The following WNT4 variants were observed in gnomAD, a reference collection of about 807,000 sequenced individuals.
WNT4 encodes the protein Wnt family member 4.
WNT4 carries 16 observed loss-of-function variants against 34.5 expected under a neutral mutation model. That is an observed-to-expected ratio of 0.46 (90% CI 0.31 to 0.70). The LOEUF (loss-of-function observed/expected upper bound fraction) is 0.70, where lower values mean the gene tolerates loss of function less well. Ranked by LOEUF, WNT4 falls within the 30% of genes least tolerant of loss-of-function variation. WNT4 has a pLI of 0.04. For synonymous variants in WNT4, 200 were observed against 211.9 expected, an observed-to-expected ratio of 0.94 and a Z score of 0.49; for missense variants, 379 against 495.9, an observed-to-expected ratio of 0.76 and a Z score of 2.24.
chr1:22,119,630 T>G lies in WNT4; in HGVS notation c.*420A>C. 1 of 287,390 alleles carries G rather than the reference T, an allele frequency of 3.5e-6. No homozygotes were observed. The highest frequency in any genetic ancestry group is 6.7e-6 in the Non-Finnish European group (1 of 148,630). The allele number at this position is 287,390 out of a possible 1,614,324, so 17.8% of individuals were successfully genotyped here. On this transcript the variant is annotated 3_prime_UTR_variant, in exon 5 of 5. Coordinates refer to ENST00000290167, the MANE Select transcript of WNT4 (RefSeq NM_030761.5). ...GTTAAGAGTTCTTTTTTCCAGAGGG[T>G]GTGACTTCCATCAAGTCGGTACCTA...
chr1:22,130,341 A>G (rs959559555), intron 1 of WNT4, among the ~76,000 whole-genome samples: 2 of 152,222 alleles, frequency 1.3e-5, no homozygotes, highest in African/African-American at 2.4e-5. Context: ...ACTGCCAGCC[A>G]CATCCTAGGA....
Position 22,140,527 on chromosome 1 carries a change from C to T in WNT4, c.77+2319G>A, listed in dbSNP as rs113522011. 2.6e-5 allele frequency among the ~76,000 whole-genome samples: 4 copies of T among 152,314 alleles called. No homozygotes were observed. The highest frequency in any genetic ancestry group is 4.8e-5 in the African/African-American group (2 of 41,570). On this transcript the variant is annotated intron_variant, in intron 1 of 4. Coordinates refer to ENST00000290167, the MANE Select transcript of WNT4 (RefSeq NM_030761.5). This position sits in a 1 kb window ranked among gnomAD's most constrained non-coding sequence, Gnocchi z 5.9. ...GAGCATGTGCCCTGTTCCACCCAGT[C>T]GTGGTTTTATCATGTCTTTCTACCT...
chr1:22,121,665 C>G, intron 2 of WNT4, 89 bp from the exon 3 acceptor site: 1 of 1,557,064 alleles, frequency 6.4e-7, no homozygotes, highest in Middle Eastern at 2.0e-4. Context: ...ATGGAGCCTC[C>G]TGCTTGCTGG....
chr1:22,120,040 A>G lies in WNT4; in HGVS notation c.*10T>C, dbSNP rs921122200. ...ACTAGGTGGTTGCCGGCGCAGGGCT[A>G]GGCAGGCGGTCATCGGCACGTGTGC... On this transcript the variant is annotated 3_prime_UTR_variant, in exon 5 of 5. Coordinates refer to ENST00000290167, the MANE Select transcript of WNT4 (RefSeq NM_030761.5). 1 of 1,605,314 alleles carries G rather than the reference A, an allele frequency of 6.2e-7. No individual in the cohort carries two copies. Among genetic ancestry groups the G allele is most frequent in the Admixed American group, 1.7e-5 (1 of 59,982 alleles).
At chr1:22,131,608 T>C (rs1324161901) in intron 1 of WNT4, among the ~76,000 whole-genome samples, 2 of 152,110 alleles carry the variant, frequency 1.3e-5, no homozygotes, top group Non-Finnish European at 2.9e-5. Flanking sequence ...TATCTGTAAA[T>C]GGAGATAACG....
intron 1 of WNT4, among the ~76,000 whole-genome samples, chr1:22,141,147 G>T (rs1557933674): frequency 6.6e-6 from 1 of 152,210 alleles, no homozygotes; most frequent in Non-Finnish European, 1.5e-5. Context: ...CCACTCCCTA[G>T]GCCTCAGTTT....
intron 1 of WNT4, among the ~76,000 whole-genome samples, chr1:22,138,463 A>T (rs576063118): frequency 5.3e-5 from 8 of 151,472 alleles, no homozygotes; most frequent in Admixed American, 2.0e-4. Context: ...GCTTGGGGGG[A>T]TGTTACTGGC....
intron 1 of WNT4, among the ~76,000 whole-genome samples, chr1:22,133,608 C>G (rs1358839548): frequency 1.3e-5 from 2 of 152,252 alleles, no homozygotes; most frequent in Non-Finnish European, 2.9e-5. Context: ...GGCTGCATTG[C>G]CCCAATTTAG....
Position 22,139,006 on chromosome 1 carries a change from C to T in WNT4, c.77+3840G>A, listed in dbSNP as rs889254405. 5.1e-4 allele frequency among the ~76,000 whole-genome samples: 78 copies of T among 152,220 alleles called. 1 individual carries two copies. Among genetic ancestry groups the T allele is most frequent in the Admixed American group, 2.4e-3 (36 of 15,288 alleles). Reference sequence around the variant, plus strand: ...CGGAAAGGTGCTCCCAGCAGCAACTCCTCTGCCTGGCAAGATTGGCTTGTG... The same window carrying T: ...CGGAAAGGTGCTCCCAGCAGCAACTTCTCTGCCTGGCAAGATTGGCTTGTG... On this transcript the variant is annotated intron_variant, in intron 1 of 4. Coordinates refer to ENST00000290167, the MANE Select transcript of WNT4 (RefSeq NM_030761.5). This position sits in a 1 kb window ranked among gnomAD's most constrained non-coding sequence, Gnocchi z 4.6.
At chr1:22,127,276 C>G in intron 2 of WNT4, 1 of 521,556 alleles carries the variant, frequency 1.9e-6, no homozygotes, top group Middle Eastern at 3.3e-4. Flanking sequence ...CTCAGTGTCC[C>G]TCAGATGCTG....
At chr1:22,141,942 C>T (rs1219485055) in intron 1 of WNT4, among the ~76,000 whole-genome samples, 1 of 152,220 alleles carries the variant, frequency 6.6e-6, no homozygotes, top group Non-Finnish European at 1.5e-5. Flanking sequence ...TGGCAGAGCT[C>T]TGGGCAGGAG....
intron 1 of WNT4, among the ~76,000 whole-genome samples, chr1:22,136,735 G>A (rs1646025377): frequency 6.6e-6 from 1 of 152,192 alleles, no homozygotes. Context: ...GCCCAGCACA[G>A]GGCCTGATGT....
intron 4 of WNT4, 25 bp from the exon 5 acceptor site, chr1:22,120,542 G>T: frequency 6.3e-7 from 1 of 1,590,714 alleles, no homozygotes; most frequent in East Asian, 2.3e-5. Context: ...GGGGGAGAGG[G>T]GCCATCAGGA....
chr1:22,137,070 C>T lies in WNT4; in HGVS notation c.77+5776G>A, dbSNP rs540993088. Among the ~76,000 whole-genome samples, 65 of 152,238 alleles carry T rather than the reference C, an allele frequency of 4.3e-4. No individual in the cohort carries two copies. The highest frequency in any genetic ancestry group is 1.5e-3 in the African/African-American group (64 of 41,546). ...ATTCCTGCTGTTCTAATGGGCCTCT[C>T]CAAAGATACATGTGAGCTGTCCGAG... On this transcript the variant is annotated intron_variant, in intron 1 of 4. Transcript: ENST00000290167. The surrounding 1 kb of genome is among the most constrained non-coding windows in gnomAD (Gnocchi z 5.3).
At position 22,117,608 on chromosome 1, in the gene WNT4, A is replaced by G. The variant is rs1645859857; in HGVS notation, c.*2442T>C. 6.6e-6 allele frequency: 1 copy of G among 152,352 alleles called. No individual in the cohort carries two copies. The highest frequency in any genetic ancestry group is 2.1e-4 in the South Asian group (1 of 4,834). 9.4% of individuals were successfully genotyped at this position (152,352 alleles called of 1,614,324 possible). ...CCCCTGGGACAGTTTGGAGCTGGGC[A>G]TGTCCAAAGAAGCTCCTTTTCCTGT... On this transcript the variant is annotated 3_prime_UTR_variant, in exon 5 of 5. Transcript: ENST00000290167.
At chr1:22,133,546 G>A (rs2124125496) in intron 1 of WNT4, among the ~76,000 whole-genome samples, 1 of 152,336 alleles carries the variant, frequency 6.6e-6, no homozygotes, top group Non-Finnish European at 1.5e-5. Flanking sequence ...TGATGGGTGG[G>A]CCGGGCCAGG....
Position 22,142,875 on chromosome 1 carries a change from G to A in WNT4, c.48C>T (p.Ala16=), listed in dbSNP as rs755864635. ...CLRSLRLLVF[A]VFSAAASNWL... ...AGTTGCTCGCGGCGGCTGAGAAGAC[G>A]GCGAAGACGAGGAGGCGCAGCGAAC... The change falls in exon 1 of 5, where the codon GCC becomes GCT. Residue 16 remains alanine, a synonymous_variant. Coordinates refer to ENST00000290167, the MANE Select transcript of WNT4 (RefSeq NM_030761.5). The surrounding 1 kb of genome is among the most constrained non-coding windows in gnomAD (Gnocchi z 6.0). 8 of 1,211,040 alleles carry A rather than the reference G, an allele frequency of 6.6e-6. No homozygotes were observed. Among genetic ancestry groups the A allele is most frequent in the Middle Eastern group, 3.6e-4 (1 of 2,808 alleles). The allele number at this position is 1,211,040 out of a possible 1,614,324, so 75.0% of individuals were successfully genotyped here.
rs1276910319 is a variant in WNT4 at position 22,121,425 on chromosome 1, T to G, written c.445+20A>C. ...GGCCAAGCCCCCTGCCCTCCCACTC[T>G]GACCACCTCCTGCACCTACCCTGTG... On this transcript the variant is annotated intron_variant, in intron 3 of 4. Transcript: ENST00000290167. The G allele has an allele frequency of 1.2e-6, 2 of 1,613,972 alleles. No homozygotes were observed. The highest frequency in any genetic ancestry group is 1.7e-6 in the Non-Finnish European group (2 of 1,180,020).
In WNT4 at chr1:22,121,585, G is replaced by T; in HGVS notation, c.314-9C>A. Reference sequence around the variant, plus strand: ...GGCCGCCTCCCGAGTCCCTGTGGGAGGCAGAGGGAGGGCAGAGCTGGGTCC... The same window carrying T: ...GGCCGCCTCCCGAGTCCCTGTGGGATGCAGAGGGAGGGCAGAGCTGGGTCC... On this transcript the variant is annotated splice_polypyrimidine_tract_variant and intron_variant, in intron 2 of 4. Transcript: ENST00000290167. 6.2e-7 allele frequency: 1 copy of T among 1,612,050 alleles called. No individual in the cohort carries two copies. Among genetic ancestry groups the T allele is most frequent in the Non-Finnish European group, 8.5e-7 (1 of 1,179,956 alleles).
Sources: gnomAD v4.1 joint callset for allele counts (sites outside exome capture counted in the v4.1 genomes callset) on GRCh38, gnomAD v4.1.1 for gene constraint, Gnocchi (gnomAD v3.1) non-coding constraint, MANE v1.5 for transcripts, NCBI Gene and HGNC (gene_info 2026-07-23, HGNC 2026-07-21) for gene names.